Variants in KCNT1 observed in about 807,000 individuals in gnomAD.
KCNT1 encodes potassium sodium-activated channel subfamily T member 1.
In KCNT1, 78 loss-of-function variants were observed where a neutral mutation model predicts 147.8. That is an observed-to-expected ratio of 0.53 (90% CI 0.44 to 0.64). KCNT1 has a LOEUF of 0.64. Ranked by LOEUF, KCNT1 falls within the 30% of genes least tolerant of loss-of-function variation. KCNT1 has a pLI of 0.00. For missense variants in KCNT1, 1,419 were observed against 1,750.3 expected (o/e 0.81, Z 3.38); for synonymous variants, 867 against 748.8 (o/e 1.16, Z -2.58).
chr9:135,740,911 C>T (rs1027821859), intron 2 of KCNT1, among the ~76,000 whole-genome samples: 21 of 152,066 alleles, frequency 1.4e-4, no homozygotes, highest in African/African-American at 4.6e-4. Flanking sequence ...CTCCCCTCCC[C>T]TCCCACCCCT....
Position 135,777,530 on chromosome 9 carries a change from G to GGCCCCCCCC in KCNT1, c.2522+20_2522+21insGCCCCCCCC. ...CAACAAGTGAGGCTCCTGGGGCTCA[G>GGCCCCCCCC]CCCACCCCGCCCACCCGGGCCCTCA... is the stretch of plus-strand genomic sequence containing the variant. On this transcript the variant is annotated intron_variant, in intron 21 of 30. Coordinates refer to ENST00000371757, the MANE Select transcript of KCNT1 (RefSeq NM_020822.3). 5.0e-6 allele frequency: 8 copies of GGCCCCCCCC among 1,588,380 alleles called. No individual in the cohort carries two copies. Among genetic ancestry groups the GGCCCCCCCC allele is most frequent in the Non-Finnish European group, 2.6e-6 (3 of 1,166,938 alleles).
chr9:135,773,509 T>G (rs1832903591), intron 19 of KCNT1, among the ~76,000 whole-genome samples: 1 of 152,226 alleles, frequency 6.6e-6, no homozygotes. Flanking sequence ...TGTCCCAGCC[T>G]GGAAACCACA....
rs372410150 is a variant in KCNT1 at position 135,786,406 on chromosome 9, C to T, written c.3387C>T (p.Ala1129=). 8.1e-5 allele frequency: 128 copies of T among 1,576,410 alleles called. 1 individual carries two copies. In the East Asian group the frequency reaches 1.6e-3, roughly 20 times the overall value. The change falls in exon 29 of 31, where the codon GCC becomes GCT. Residue 1129 remains alanine (A), a synonymous_variant. Transcript: ENST00000371757. ...KAPKQAGRAA[A]AEWISQQRLS... is the part of the protein sequence containing the mutation. ...CCAAGCAGGCAGGCCGGGCGGCGGC[C>T]GCGGAGTGGATCAGCCAGCAGCGCC...
chr9:135,751,307 A>G (rs1831152011), intron 4 of KCNT1, among the ~76,000 whole-genome samples: 2 of 151,846 alleles, frequency 1.3e-5, no homozygotes, highest in Non-Finnish European at 2.9e-5. Flanking sequence ...CAGAAGGTCC[A>G]CGGAAAGGCT....
At chr9:135,713,494 C>A (rs747462172) in intron 1 of KCNT1, among the ~76,000 whole-genome samples, 1 of 152,182 alleles carries the variant, frequency 6.6e-6, no homozygotes, top group Non-Finnish European at 1.5e-5. Flanking sequence ...GGAATGTGCC[C>A]ACCCCTCCCG....
intron 29 of KCNT1, chr9:135,788,188 C>T (rs1202479228): frequency 1.9e-6 from 3 of 1,600,560 alleles, no homozygotes; most frequent in Non-Finnish European, 2.6e-6. Flanking sequence ...CGGGTGCCGA[C>T]CACCGCACAA....
At chr9:135,705,720 C>T (rs912126712) in intron 1 of KCNT1, among the ~76,000 whole-genome samples, 19 of 152,230 alleles carry the variant, frequency 1.2e-4, no homozygotes, top group Admixed American at 1.1e-3. Flanking sequence ...AGTGAGCCAG[C>T]GGGGCTGGAA....
At chr9:135,719,899 C>T (rs1234300747) in intron 2 of KCNT1, among the ~76,000 whole-genome samples, 2 of 152,190 alleles carry the variant, frequency 1.3e-5, no homozygotes, top group Non-Finnish European at 2.9e-5. Flanking sequence ...GCGGCCTGAC[C>T]AGGCTGTTTC....
At chr9:135,775,472 C>T (rs1464329620) in intron 20 of KCNT1, 57 bp downstream of exon 20, 19 of 1,261,660 alleles carry the variant, frequency 1.5e-5, no homozygotes, top group Non-Finnish European at 1.9e-5. Flanking sequence ...CCGGGCCGTG[C>T]ATACCTGCCC....
chr9:135,704,894 G>T (rs993371632), intron 1 of KCNT1, among the ~76,000 whole-genome samples: 4 of 152,256 alleles, frequency 2.6e-5, no homozygotes, highest in Non-Finnish European at 5.9e-5. Context: ...GACGGCTCAG[G>T]CCACAGGGAA....
intron 1 of KCNT1, among the ~76,000 whole-genome samples, chr9:135,708,318 C>T (rs1266539870): frequency 6.6e-6 from 1 of 152,254 alleles, no homozygotes; most frequent in Non-Finnish European, 1.5e-5. Flanking sequence ...ATCCCATCCA[C>T]ACATGCATGC....
intron 2 of KCNT1, among the ~76,000 whole-genome samples, chr9:135,724,677 G>A (rs80047461): frequency 6.6e-6 from 1 of 152,244 alleles, no homozygotes; most frequent in African/African-American, 2.4e-5. Context: ...TATCGGGGAC[G>A]TGCTTATACT....
rs1051472581 is a variant in KCNT1 at position 135,784,013 on chromosome 9, C to T, written c.2842-11C>T. 3 of 1,605,494 alleles carry T rather than the reference C, an allele frequency of 1.9e-6. No homozygotes were observed. Among genetic ancestry groups the T allele is most frequent in the Non-Finnish European group, 2.5e-6 (3 of 1,179,070 alleles). ...GGCACCAGCCCATCTGAGGCCCCTC[C>T]TTTCCCACAGAGGGAGCGAGAGAAT... is the stretch of plus-strand genomic sequence containing the variant. On this transcript the variant is annotated splice_polypyrimidine_tract_variant and intron_variant, in intron 24 of 30. Coordinates refer to ENST00000371757, the MANE Select transcript of KCNT1 (RefSeq NM_020822.3).
intron 28 of KCNT1, 77 bp from the exon 29 acceptor site, chr9:135,786,120 T>TAAGCCCCTGCCCCA (rs1488242518): frequency 2.2e-6 from 3 of 1,361,806 alleles, no homozygotes; most frequent in Non-Finnish European, 3.0e-6. Flanking sequence ...CACCTCTTCC[T>TAAGCCCCTGCCCCA]AAGCCCCTGC....
rs146956213 is a variant in KCNT1, at chr9:135,743,590, C to T, written c.255-6508C>T. ...TGGGGCCCCATGGTGCAGAGGGTGA[C>T]GGGTGTGAGATAGAAGCCGTGCCCA... On this transcript the variant is annotated intron_variant, in intron 2 of 30. Transcript: ENST00000371757. Among the ~76,000 whole-genome samples the T allele has an allele frequency of 5.9e-3, 905 of 152,274 alleles. 8 individuals are homozygous for T. Among genetic ancestry groups the T allele is most frequent in the African/African-American group, 0.02 (819 of 41,568 alleles).
intron 2 of KCNT1, among the ~76,000 whole-genome samples, chr9:135,718,776 G>C (rs372443166): frequency 1.3e-5 from 2 of 152,208 alleles, no homozygotes; most frequent in East Asian, 3.9e-4. Flanking sequence ...GGCAGGACTC[G>C]GGCTTCCTGT....
intron 25 of KCNT1, 68 bp downstream of exon 25, chr9:135,784,193 A>C: frequency 8.1e-7 from 1 of 1,234,634 alleles, no homozygotes; most frequent in Non-Finnish European, 1.2e-6. Flanking sequence ...TCAGCTCTTC[A>C]GCCTGGTCCC....
At chr9:135,787,659 A>G (rs1246919485) in intron 29 of KCNT1, among the ~76,000 whole-genome samples, 1 of 152,200 alleles carries the variant, frequency 6.6e-6, no homozygotes, top group Non-Finnish European at 1.5e-5. Context: ...TTTGGGGAAC[A>G]GGTGGCCTGT....
intron 1 of KCNT1, among the ~76,000 whole-genome samples, chr9:135,706,415 G>A (rs1428484217): frequency 1.3e-5 from 2 of 152,230 alleles, no homozygotes; most frequent in Non-Finnish European, 2.9e-5. Context: ...CGGCCCCCAG[G>A]GGTGAGAATG....
Sources: allele counts gnomAD v4.1 joint callset (sites outside exome capture counted in the v4.1 genomes callset), GRCh38; gene constraint gnomAD v4.1.1; transcripts MANE v1.5; gene names NCBI Gene and HGNC (gene_info 2026-07-23, HGNC 2026-07-21).